The following USP3 variants were observed in gnomAD, a reference collection of about 807,000 sequenced individuals.
USP3 encodes ubiquitin carboxyl-terminal hydrolase 3.
USP3 carries 20 observed loss-of-function variants against 72.3 expected under a neutral mutation model. That is an observed-to-expected ratio of 0.28 (90% CI 0.19 to 0.40). The LOEUF (loss-of-function observed/expected upper bound fraction) is 0.40, where lower values mean the gene tolerates loss of function less well. Among genes scored for constraint, USP3 ranks in the 10% least tolerant of loss-of-function variants. The pLI is 1.00. For missense variants in USP3, 479 were observed against 633.9 expected, an observed-to-expected ratio of 0.76 and a Z score of 2.62; for synonymous variants, 222 against 225.3, an observed-to-expected ratio of 0.99 and a Z score of 0.13.
intron 4 of USP3, among the ~76,000 whole-genome samples, chr15:63,555,847 C>G (rs1336372998): frequency 3.3e-5 from 5 of 152,150 alleles, no homozygotes; most frequent in African/African-American, 1.2e-4. Flanking sequence ...AGACATAATT[C>G]ATGTGGAAAT....
At chr15:63,520,689 G>C (rs900840467) in intron 1 of USP3, among the ~76,000 whole-genome samples, 1 of 148,980 alleles carries the variant, frequency 6.7e-6, no homozygotes, top group Non-Finnish European at 1.5e-5. Context: ...TCAGCCTCCC[G>C]AGTGGCTGGG....
At chr15:63,568,169 T>C (rs1028562856) in intron 8 of USP3, among the ~76,000 whole-genome samples, 2 of 151,894 alleles carry the variant, frequency 1.3e-5, no homozygotes, top group Non-Finnish European at 2.9e-5. Context: ...CTGGTCAACA[T>C]GGTGAAACCC....
At chr15:63,578,125 A>C (rs1157743261) in intron 11 of USP3, among the ~76,000 whole-genome samples, 4 of 151,842 alleles carry the variant, frequency 2.6e-5, no homozygotes, top group African/African-American at 9.7e-5. Context: ...AAAATACAAA[A>C]ATTAGCCAGG....
In USP3 at chr15:63,570,352, C is replaced by A; in HGVS notation, c.762-81C>A. The A allele has an allele frequency of 6.3e-7, 1 of 1,588,962 alleles. No homozygotes were observed. ...TGAGCACGGGGCTGCCGTCCTTTTC[C>A]ACGCCTTGGCCTCTTGCTGGTGTGG... On this transcript the variant is annotated intron_variant, in intron 8 of 14. Transcript: ENST00000380324. This position sits in a 1 kb window ranked among gnomAD's most constrained non-coding sequence, Gnocchi z 4.4.
At chr15:63,547,697 GC>G (rs1288215025) in intron 3 of USP3, among the ~76,000 whole-genome samples, 1 of 140,136 alleles carries the variant, frequency 7.1e-6, no homozygotes, top group African/African-American at 2.6e-5. Context: ...TGATAGCATT[GC>G]TGCAGAGCAA....
intron 5 of USP3, among the ~76,000 whole-genome samples, chr15:63,557,285 T>C (rs4984299): frequency 0.7 from 105,556 of 150,628 alleles, 38,473 homozygotes; most frequent in African/African-American, 0.79. Context: ...TTTTTTGAGA[T>C]GGAGTCTCAC....
intron 1 of USP3, among the ~76,000 whole-genome samples, chr15:63,522,137 A>G (rs1053830943): frequency 6.6e-6 from 1 of 152,060 alleles, no homozygotes; most frequent in Admixed American, 6.5e-5. Flanking sequence ...TGGCCTCCCA[A>G]AGTGTTGGGA....
At chr15:63,510,593 A>C (rs924500638) in intron 1 of USP3, among the ~76,000 whole-genome samples, 2 of 152,144 alleles carry the variant, frequency 1.3e-5, no homozygotes, top group Admixed American at 1.3e-4. Flanking sequence ...CAGGAGAGCA[A>C]TTGCATTCTA....
intron 3 of USP3, among the ~76,000 whole-genome samples, chr15:63,541,734 T>G (rs2066248163): frequency 6.6e-6 from 1 of 152,144 alleles, no homozygotes; most frequent in Admixed American, 6.5e-5. Flanking sequence ...TTGAAATAGG[T>G]GAAGTCACTA....
In USP3 at chr15:63,529,028, T is replaced by C. The variant is rs753664402; in HGVS notation, c.92-3619T>C. 8.9e-5 allele frequency: 115 copies of C among 1,288,970 alleles called. No homozygotes were observed. In the South Asian group the frequency reaches 1.3e-3, roughly 14 times the overall value. The allele number at this position is 1,288,970 out of a possible 1,614,324, so 79.8% of individuals were successfully genotyped here. ...TATCTTTCTAGCCTTCAAATGTTTA[T>C]CTGGTGTGACTGTATTATGCCCTCA... On this transcript the variant is annotated intron_variant, in intron 1 of 14. Coordinates refer to ENST00000380324, the MANE Select transcript of USP3 (RefSeq NM_006537.4). The surrounding 1 kb of genome is among the most constrained non-coding windows in gnomAD (Gnocchi z 4.2).
chr15:63,511,266 T>TTTAAAAAAA (rs549048698), intron 1 of USP3, among the ~76,000 whole-genome samples: 1 of 42,846 alleles, frequency 2.3e-5, no homozygotes, highest in African/African-American at 6.2e-5. Flanking sequence ...TGCTTTTTCT[T>TTTAAAAAAA]AAAAAAAAAA....
chr15:63,590,216 T>C (rs1241986904), intron 14 of USP3, among the ~76,000 whole-genome samples: 1 of 152,216 alleles, frequency 6.6e-6, no homozygotes, highest in Admixed American at 6.5e-5. Flanking sequence ...CTGTTCTAGC[T>C]GCAGGCCTTC....
At chr15:63,550,123 G>A (rs1190378436) in intron 3 of USP3, among the ~76,000 whole-genome samples, 2 of 152,156 alleles carry the variant, frequency 1.3e-5, no homozygotes, top group East Asian at 3.9e-4. Context: ...TGGTTCAAGC[G>A]ATTCTCCTGC....
At chr15:63,568,212 C>T (rs529796777) in intron 8 of USP3, among the ~76,000 whole-genome samples, 26 of 152,014 alleles carry the variant, frequency 1.7e-4, no homozygotes, top group South Asian at 6.3e-4. Context: ...ATTAGCTGGG[C>T]GTGGTGGCAC....
rs1356893046 is a variant in USP3, at chr15:63,528,230, G to T, written c.92-4417G>T. On this transcript the variant is annotated intron_variant, in intron 1 of 14. Transcript: ENST00000380324. This position sits in a 1 kb window ranked among gnomAD's most constrained non-coding sequence, Gnocchi z 4.3. ...ACCGAAGAAATTTGCTGGAGGACGG[G>T]GTATCTTGGTTTGAGGAAATTTTAC... is the stretch of plus-strand genomic sequence containing the variant. The T allele has an allele frequency of 6.6e-6, 1 of 152,160 alleles. No homozygotes were observed. The highest frequency in any genetic ancestry group is 1.5e-5 in the Non-Finnish European group (1 of 68,044). The allele number at this position is 152,160 out of a possible 1,614,324, so 9.4% of individuals were successfully genotyped here. A position where few individuals can be genotyped will look rare whatever the true frequency, so the allele number is the denominator to read the frequency against.
chr15:63,542,954 CA>C (rs1308124678), intron 3 of USP3, among the ~76,000 whole-genome samples: 1 of 152,044 alleles, frequency 6.6e-6, no homozygotes, highest in East Asian at 1.9e-4. Context: ...CTGGAAAGCC[CA>C]GGGGGACTCT....
chr15:63,533,976 G>A, intron 2 of USP3: 5 of 675,894 alleles, frequency 7.4e-6, no homozygotes, highest in Non-Finnish European at 9.4e-6. Flanking sequence ...GTCTCGTAGT[G>A]CTCTACAACC....
chr15:63,570,624 T>C lies in USP3; in HGVS notation c.908+45T>C. ...TGTTTTTTAGGAGGGCCTCAGACAT[T>C]TCTTTTGGTGTTAATTATGTGTTAG... On this transcript the variant is annotated intron_variant, in intron 9 of 14. Coordinates refer to ENST00000380324, the MANE Select transcript of USP3 (RefSeq NM_006537.4). This position sits in a 1 kb window ranked among gnomAD's most constrained non-coding sequence, Gnocchi z 4.4. 3.2e-6 allele frequency: 5 copies of C among 1,566,452 alleles called. No individual in the cohort carries two copies. Among genetic ancestry groups the C allele is most frequent in the Non-Finnish European group, 2.6e-6 (3 of 1,157,620 alleles).
At chr15:63,560,687 G>A (rs1161045444) in intron 7 of USP3, among the ~76,000 whole-genome samples, 9 of 151,938 alleles carry the variant, frequency 5.9e-5, no homozygotes, top group Admixed American at 3.9e-4. Context: ...TGGTTGATAC[G>A]GAGAGGGGGG....
Sources: allele counts gnomAD v4.1 joint callset (sites outside exome capture counted in the v4.1 genomes callset), GRCh38; gene constraint gnomAD v4.1.1; non-coding constraint Gnocchi (gnomAD v3.1); transcripts MANE v1.5; gene names NCBI Gene and HGNC (gene_info 2026-07-23, HGNC 2026-07-21).